The following PCK2 variants were observed in gnomAD, a reference collection of about 807,000 sequenced individuals.
PCK2 encodes the protein phosphoenolpyruvate carboxykinase 2, mitochondrial.
Under a neutral mutation model 65.9 loss-of-function variants are expected in PCK2, and 56 were observed. The observed-to-expected ratio is 0.85, with a 90% CI of 0.69 to 1.06. PCK2 has a LOEUF of 1.06. Ranked by LOEUF, PCK2 falls within the 50% of genes least tolerant of loss-of-function variation. The probability of loss-of-function intolerance (pLI) is 0.00; values close to 1 mark genes in which losing one functional copy is unlikely to be tolerated. For missense variants in PCK2, 843 were observed against 863.1 expected (o/e 0.98, Z 0.29); for synonymous variants, 305 against 319.6 (o/e 0.95, Z 0.49).
In PCK2 at chr14:24,103,548, T is replaced by C. The variant is rs2037254300; in HGVS notation, c.1507T>C (p.Phe503Leu). The change falls in exon 10 of 10, where the codon TTT becomes CTT. Residue 503 changes from phenylalanine (F) to leucine (L), a missense_variant. Physicochemically the swap from Phe to Leu is conservative, Grantham distance 22. Coordinates refer to ENST00000216780, the MANE Select transcript of PCK2 (RefSeq NM_004563.4). ...IMHDPFAMRP[F>L]FGYNFGHYLE... is the part of the protein sequence containing the mutation. ...GCACGACCCATTTGCCATGCGGCCC[T>C]TTTTTGGCTACAACTTCGGGCACTA... is the stretch of plus-strand genomic sequence containing the variant. 1.3e-6 allele frequency: 2 copies of C among 1,566,390 alleles called. No homozygotes were observed. Among genetic ancestry groups the C allele is most frequent in the Non-Finnish European group, 1.7e-6 (2 of 1,154,908 alleles).
At position 24,103,201 on chromosome 14, in the gene PCK2, G is replaced by A. The variant is rs199675343; in HGVS notation, c.1414G>A (p.Val472Met). Residue 472 changes from valine (V) to methionine (M), a missense_variant, in exon 9 of 10, where the codon GTG becomes ATG. Coordinates refer to ENST00000216780, the MANE Select transcript of PCK2 (RefSeq NM_004563.4). ...CGAGGCCTTCAACTGGCGTCATGGG[G>A]TGTTTGTGGGCAGCGCCATGCGCTC... Reference protein sequence around the residue: ...VYEAFNWRHGVFVGSAMRSES... With the variant: ...VYEAFNWRHGMFVGSAMRSES... 160 of 1,614,064 alleles carry A rather than the reference G, an allele frequency of 9.9e-5. No individual in the cohort carries two copies. The Middle Eastern group carries it at 1.3e-3, about 13-fold the overall frequency.
At chr14:24,096,780 T>G in intron 1 of PCK2, 112 bp from the exon 2 acceptor site, 2 of 886,352 alleles carry the variant, frequency 2.3e-6, no homozygotes, top group Non-Finnish European at 3.6e-6. Flanking sequence ...TCATGGTCCC[T>G]GCATGCAGAC....
intron 7 of PCK2, 43 bp from the exon 8 acceptor site, chr14:24,102,710 G>C: frequency 6.3e-7 from 1 of 1,579,668 alleles, no homozygotes; most frequent in Non-Finnish European, 8.7e-7. Context: ...GTTGGGGGTC[G>C]ACATGACCTT....
At chr14:24,098,774 C>G (rs1460963308) in intron 4 of PCK2, 96 bp downstream of exon 4, 1 of 1,051,928 alleles carries the variant, frequency 9.5e-7, no homozygotes, top group African/African-American at 1.6e-5. Flanking sequence ...AAGAACCTGT[C>G]CTCTCTGGCA....
In PCK2 at chr14:24,094,516, C is replaced by A; in HGVS notation, c.29+82C>A. ...GGGCTGCCAGTGGCGCTCTCCTGCT[C>A]TCAGCCTCCGCCAGGTTTCCCATCC... On this transcript the variant is annotated intron_variant, in intron 1 of 9. Coordinates refer to ENST00000216780, the MANE Select transcript of PCK2 (RefSeq NM_004563.4). The surrounding 1 kb of genome is among the most constrained non-coding windows in gnomAD (Gnocchi z 4.1). The A allele has an allele frequency of 6.9e-7, 1 of 1,455,268 alleles. No individual in the cohort carries two copies. The highest frequency in any genetic ancestry group is 1.4e-5 in the South Asian group (1 of 71,244). 90.1% of individuals were successfully genotyped at this position (1,455,268 alleles called of 1,614,324 possible).
chr14:24,104,078 A>T lies in PCK2; in HGVS notation c.*114A>T. 1.4e-6 allele frequency: 1 copy of T among 692,280 alleles called. No homozygotes were observed. The highest frequency in any genetic ancestry group is 1.8e-5 in the South Asian group (1 of 55,080). 42.9% of individuals were successfully genotyped at this position (692,280 alleles called of 1,614,324 possible). On this transcript the variant is annotated 3_prime_UTR_variant, in exon 10 of 10. Transcript: ENST00000216780. Reference sequence around the variant, plus strand: ...AACTAACATCTTCAATGTGCCATAGACCTTCCCACAAAGACTGTCCAATAA... The same window carrying T: ...AACTAACATCTTCAATGTGCCATAGTCCTTCCCACAAAGACTGTCCAATAA...
rs2037215261 is a variant in PCK2, at chr14:24,102,808, G to A, written c.1290G>A (p.Gln430=). 5 of 1,613,910 alleles carry A rather than the reference G, an allele frequency of 3.1e-6. No homozygotes were observed. In the East Asian group the frequency reaches 1.1e-4, roughly 36 times the overall value. The part of the protein sequence containing the change: ...PNSRFCAPAR[Q]CPIMDPAWEA... ...CTCGATTTTGTGCCCCGGCTCGCCAGTGCCCCATCATGGACCCAGCCTGGG... is the reference window on the plus strand; with the variant it reads ...CTCGATTTTGTGCCCCGGCTCGCCAATGCCCCATCATGGACCCAGCCTGGG... The change falls in exon 8 of 10, where the codon CAG becomes CAA. Residue 430 remains glutamine (Q), a synonymous_variant. Transcript: ENST00000216780.
chr14:24,095,005 G>A, intron 1 of PCK2: 1 of 494,638 alleles, frequency 2.0e-6, no homozygotes, highest in Non-Finnish European at 3.7e-6. Context: ...AAGCAAGGTG[G>A]GAGGAGGGCG....
At chr14:24,098,420 C>T (rs759240399) in intron 3 of PCK2, 33 bp downstream of exon 3, 39 of 1,611,966 alleles carry the variant, frequency 2.4e-5, no homozygotes, top group South Asian at 1.8e-4. Context: ...GGCAAGGGCA[C>T]GGAAGATGTG....
At position 24,101,400 on chromosome 14, in the gene PCK2, T is replaced by C. The variant is rs367823562; in HGVS notation, c.1234+1187T>C. Among the ~76,000 whole-genome samples, 463 of 152,236 alleles carry C rather than the reference T, an allele frequency of 3.0e-3. 4 individuals are homozygous for C. The highest frequency in any genetic ancestry group is 5.2e-3 in the Non-Finnish European group (353 of 68,000). On this transcript the variant is annotated intron_variant, in intron 7 of 9. Transcript: ENST00000216780. ...CACTCCCCAGGTCTGACCAGCAACC[T>C]CCAGCAGAGAAGGCACCATGTCCAC...
rs1231574264 is a variant in PCK2 at position 24,103,575 on chromosome 14, C to T, written c.1534C>T (p.Leu512=). 6.3e-7 allele frequency: 1 copy of T among 1,599,834 alleles called. No homozygotes were observed. Among genetic ancestry groups the T allele is most frequent in the Non-Finnish European group, 8.5e-7 (1 of 1,171,444 alleles). Residue 512 remains leucine, a synonymous_variant, in exon 10 of 10, where the codon CTG becomes TTG. Transcript: ENST00000216780. ...TTTTGGCTACAACTTCGGGCACTAC[C>T]TGGAACACTGGCTGAGCATGGAAGG... ...PFFGYNFGHY[L]EHWLSMEGRK...
In PCK2 at chr14:24,098,728, A is replaced by C. The variant is rs1468260330; in HGVS notation, c.664+50A>C. ...GGAACACAGAGGCCTTCTTGTACTC[A>C]GAGGAAATCCCAAATCCTACCTCTC... On this transcript the variant is annotated intron_variant, in intron 4 of 9. Coordinates refer to ENST00000216780, the MANE Select transcript of PCK2 (RefSeq NM_004563.4). The C allele has an allele frequency of 4.0e-6, 6 of 1,505,462 alleles. No homozygotes were observed. The African/African-American group carries it at 8.3e-5, about 21-fold the overall frequency. 93.3% of individuals were successfully genotyped at this position (1,505,462 alleles called of 1,614,324 possible).
rs1443691924 is a variant in PCK2 at position 24,096,983 on chromosome 14, C to T, written c.121C>T (p.Pro41Ser). ...RVLSGDLGQL[P>S]TGIRDFVEHS... Reference sequence around the variant, plus strand: ...GCTTAGTGGAGATCTGGGCCAGCTTCCCACTGGCATTCGAGATTTTGTAGA... The same window carrying T: ...GCTTAGTGGAGATCTGGGCCAGCTTTCCACTGGCATTCGAGATTTTGTAGA... Residue 41 changes from proline (P) to serine (S), a missense_variant, in exon 2 of 10, where the codon CCC becomes TCC. Physicochemically the swap from Pro to Ser is moderately conservative, Grantham distance 74. Transcript: ENST00000216780. 1.2e-6 allele frequency: 2 copies of T among 1,613,490 alleles called. No individual in the cohort carries two copies. The highest frequency in any genetic ancestry group is 3.3e-5 in the Admixed American group (2 of 59,950).
At chr14:24,101,709 G>A (rs2037168100) in intron 7 of PCK2, among the ~76,000 whole-genome samples, 1 of 152,196 alleles carries the variant, frequency 6.6e-6, no homozygotes. Context: ...GATCACCTGA[G>A]GTCAGGAGTT....
rs2037025137 is a variant in PCK2 at position 24,098,934 on chromosome 14, T to A, written c.665-115T>A. 9.6e-6 allele frequency: 8 copies of A among 831,456 alleles called. No homozygotes were observed. In the East Asian group the frequency reaches 1.7e-4, roughly 18 times the overall value. 51.5% of individuals were successfully genotyped at this position (831,456 alleles called of 1,614,324 possible). On this transcript the variant is annotated intron_variant, in intron 4 of 9. Transcript: ENST00000216780. The stretch of plus-strand genomic sequence containing the variant: ...TATGAGGTGGGGGGCTTCAGCCACC[T>A]CTTGGTGCTGCTACTGCTCCCAAGT...
chr14:24,098,469 C>T lies in PCK2; in HGVS notation c.461-6C>T, dbSNP rs758710923. The stretch of plus-strand genomic sequence containing the variant: ...CCCTTCATCCAGGGGATGCCTTCCT[C>T]CACAGGCCGCACCATGTATGTGCTT... On this transcript the variant is annotated splice_region_variant and splice_polypyrimidine_tract_variant and intron_variant, in intron 3 of 9. Transcript: ENST00000216780. 4 of 1,613,834 alleles carry T rather than the reference C, an allele frequency of 2.5e-6. No individual in the cohort carries two copies. Among genetic ancestry groups the T allele is most frequent in the Middle Eastern group, 1.6e-4 (1 of 6,084 alleles).
rs766383775 is a variant in PCK2 at position 24,097,114 on chromosome 14, AAAGCTCCCC to A, written c.256_264del (p.Leu86_Lys88del). The A allele has an allele frequency of 6.2e-7, 1 of 1,613,902 alleles. No individual in the cohort carries two copies. The highest frequency in any genetic ancestry group is 2.2e-5 in the East Asian group (1 of 44,866). ...TGCTGGAGCAGCAGGGCCTCATCCG[AAAGCTCCCC>A]AAGTACAATAACTGGTAAGCCTTGG... On this transcript the variant is annotated inframe_deletion, in exon 2 of 10. Coordinates refer to ENST00000216780, the MANE Select transcript of PCK2 (RefSeq NM_004563.4).
intron 2 of PCK2, among the ~76,000 whole-genome samples, chr14:24,097,616 C>A (rs2036952919): frequency 6.8e-6 from 1 of 146,462 alleles, no homozygotes. Context: ...GAGATGGAGT[C>A]TCACTGTATC....
chr14:24,094,445 C>A lies in PCK2; in HGVS notation c.29+11C>A, dbSNP rs2036761227. The A allele has an allele frequency of 6.5e-7, 1 of 1,540,406 alleles. No homozygotes were observed. Among genetic ancestry groups the A allele is most frequent in the African/African-American group, 1.4e-5 (1 of 71,738 alleles). Reference sequence around the variant, plus strand: ...CCGCCCTGGCCTGCGGTGAGTGACCCCCGGCCCGGGGCCCACCCGCACCTT... The same window carrying A: ...CCGCCCTGGCCTGCGGTGAGTGACCACCGGCCCGGGGCCCACCCGCACCTT... On this transcript the variant is annotated intron_variant, in intron 1 of 9. Transcript: ENST00000216780. This position sits in a 1 kb window ranked among gnomAD's most constrained non-coding sequence, Gnocchi z 4.1.
Sources: gnomAD v4.1 joint callset for allele counts (sites outside exome capture counted in the v4.1 genomes callset) on GRCh38, gnomAD v4.1.1 for gene constraint, Gnocchi (gnomAD v3.1) non-coding constraint, MANE v1.5 for transcripts, NCBI Gene and HGNC (gene_info 2026-07-23, HGNC 2026-07-21) for gene names.